ACTL6A: variants seen among roughly 807,000 people sequenced by gnomAD.
The protein encoded by ACTL6A is actin-like protein 6A.
A neutral mutation model predicts 59.2 loss-of-function variants in ACTL6A; 5 were observed. That is an observed-to-expected ratio of 0.08 (90% CI 0.04 to 0.18). The LOEUF is 0.18. Among genes scored for constraint, ACTL6A ranks in the 10% least tolerant of loss-of-function variants. The pLI is 1.00. For synonymous variants in ACTL6A, 154 were observed against 171.8 expected, an observed-to-expected ratio of 0.90 and a Z score of 0.81; for missense variants, 285 against 526.9, an observed-to-expected ratio of 0.54 and a Z score of 4.49.
At chr3:179,574,494 C>T (rs778660268) in intron 5 of ACTL6A, 27 bp downstream of exon 5, 1 of 1,402,758 alleles carries the variant, frequency 7.1e-7, no homozygotes, top group East Asian at 2.3e-5. Context: ...AATACCTTTC[C>T]TCTTGAAGTA....
intron 3 of ACTL6A, among the ~76,000 whole-genome samples, chr3:179,571,115 C>T (rs796567672): frequency 2.2e-4 from 33 of 152,102 alleles, no homozygotes; most frequent in African/African-American, 7.2e-4. Context: ...GCAAGTGTTA[C>T]GGTTTTAAAA....
intron 12 of ACTL6A, chr3:179,584,452 T>G (rs1718424272): frequency 6.6e-6 from 1 of 152,082 alleles, no homozygotes; most frequent in East Asian, 1.9e-4. Flanking sequence ...AAACCCCATC[T>G]CTACTAAGAA....
chr3:179,571,867 C>G (rs1024156390), intron 3 of ACTL6A, among the ~76,000 whole-genome samples: 1 of 149,718 alleles, frequency 6.7e-6, no homozygotes, highest in African/African-American at 2.5e-5. Flanking sequence ...GCTACCCTTA[C>G]CATTTAGGGA....
intron 11 of ACTL6A, among the ~76,000 whole-genome samples, chr3:179,581,945 ACTTT>A (rs1250835628): frequency 1.3e-5 from 2 of 152,182 alleles, no homozygotes; most frequent in African/African-American, 2.4e-5. Context: ...ATGAGGACTT[ACTTT>A]ATCTTATTTA....
intron 8 of ACTL6A, among the ~76,000 whole-genome samples, chr3:179,578,775 A>G (rs1718245589): frequency 6.6e-6 from 1 of 152,108 alleles, no homozygotes; most frequent in South Asian, 2.1e-4. Context: ...TTATTTATTT[A>G]ATTTTTTCAA....
intron 11 of ACTL6A, among the ~76,000 whole-genome samples, chr3:179,582,829 G>C (rs754473611): frequency 6.6e-6 from 1 of 152,054 alleles, no homozygotes. Context: ...TTAAATATTG[G>C]CAGCTATCTG....
At chr3:179,585,554 T>G (rs1212692147) in intron 12 of ACTL6A, among the ~76,000 whole-genome samples, 2 of 152,188 alleles carry the variant, frequency 1.3e-5, no homozygotes, top group Non-Finnish European at 2.9e-5. Flanking sequence ...TTCTATTTAA[T>G]AGTTACCAAT....
chr3:179,580,223 T>C (rs1020113295), intron 8 of ACTL6A, among the ~76,000 whole-genome samples: 5 of 152,246 alleles, frequency 3.3e-5, no homozygotes, highest in Admixed American at 2.6e-4. Context: ...TAAACTGTTT[T>C]ATACTATGTA....
intron 4 of ACTL6A, 85 bp downstream of exon 4, chr3:179,573,554 T>C: frequency 1.1e-6 from 1 of 935,260 alleles, no homozygotes; most frequent in East Asian, 2.9e-5. Context: ...ACTCATTTGA[T>C]GAACATTTTT....
chr3:179,563,202 C>T, intron 1 of ACTL6A, 85 bp downstream of exon 1: 2 of 1,522,524 alleles, frequency 1.3e-6, no homozygotes, highest in Non-Finnish European at 1.8e-6. Flanking sequence ...CCCTCCCCGG[C>T]GTTCCCTTCC....
At chr3:179,566,678 TTTGTTGTTGTTGTTGTTG>T (rs376454101) in intron 1 of ACTL6A, among the ~76,000 whole-genome samples, 158 of 152,004 alleles carry the variant, frequency 1.0e-3, no homozygotes, top group African/African-American at 3.6e-3. Flanking sequence ...ATTTTCTCTT[TTTGTTGTTGTTGTTGTTG>T]TTGTTGTTTT....
Position 179,581,174 on chromosome 3 carries a change from ATGT to A in ACTL6A, c.984_986del (p.Val329del), listed in dbSNP as rs1718328272. On this transcript the variant is annotated inframe_deletion, in exon 11 of 14. Transcript: ENST00000429709. ...GGAAACACAATGTTAGGAGTCAGTC[ATGT>A]TGTCACCACAAGTGTTGGGATGTGT... 6.2e-7 allele frequency: 1 copy of A among 1,613,924 alleles called. No individual in the cohort carries two copies. The highest frequency in any genetic ancestry group is 1.3e-5 in the African/African-American group (1 of 74,926).
intron 12 of ACTL6A, 157 bp downstream of exon 12, chr3:179,583,605 C>G (rs527628778): frequency 3.8e-6 from 2 of 524,694 alleles, no homozygotes; most frequent in East Asian, 3.3e-5. Flanking sequence ...AATCGTTTTC[C>G]TAGTTGACAT....
chr3:179,576,193 C>T (rs750041679), intron 5 of ACTL6A, 24 bp from the exon 6 acceptor site: 1 of 1,580,432 alleles, frequency 6.3e-7, no homozygotes, highest in African/African-American at 1.3e-5. Flanking sequence ...TTGATACTTT[C>T]TTTTCCTTAA....
intron 13 of ACTL6A, among the ~76,000 whole-genome samples, chr3:179,587,319 C>T (rs551909083): frequency 6.6e-6 from 1 of 152,176 alleles, no homozygotes; most frequent in African/African-American, 2.4e-5. Context: ...AGTACTCATT[C>T]AAGCCTTCTG....
chr3:179,563,235 G>T (rs981862433), intron 1 of ACTL6A, 118 bp downstream of exon 1: 11 of 1,353,286 alleles, frequency 8.1e-6, no homozygotes, highest in Non-Finnish European at 8.7e-6. Flanking sequence ...TCGGGACCCC[G>T]GCCTCCCCGC....
chr3:179,569,790 A>G (rs1268259713), intron 1 of ACTL6A, 34 bp from the exon 2 acceptor site: 6 of 1,588,514 alleles, frequency 3.8e-6, no homozygotes, highest in South Asian at 1.1e-5. Flanking sequence ...TACTTTTGCA[A>G]GCTGTTAATG....
chr3:179,566,343 C>T (rs1362935639), intron 1 of ACTL6A, among the ~76,000 whole-genome samples: 1 of 152,126 alleles, frequency 6.6e-6, no homozygotes, highest in Non-Finnish European at 1.5e-5. Context: ...GGAAGGAGCT[C>T]CTAACATAGG....
At chr3:179,585,354 G>A (rs1165149533) in intron 12 of ACTL6A, among the ~76,000 whole-genome samples, 3 of 152,070 alleles carry the variant, frequency 2.0e-5, no homozygotes, top group Non-Finnish European at 2.9e-5. Context: ...CACCCGCCTC[G>A]GCCTCCCAAA....
Sources: allele counts gnomAD v4.1 joint callset (sites outside exome capture counted in the v4.1 genomes callset), GRCh38; gene constraint gnomAD v4.1.1; transcripts MANE v1.5; gene names NCBI Gene and HGNC (gene_info 2026-07-23, HGNC 2026-07-21).